NTAQ1: variants seen among roughly 807,000 people sequenced by gnomAD.
The protein encoded by NTAQ1 is protein N-terminal glutamine amidohydrolase.
In NTAQ1, 21 loss-of-function variants were observed where a neutral mutation model predicts 28.2. That is an observed-to-expected ratio of 0.74 (90% CI 0.53 to 1.07). The LOEUF (loss-of-function observed/expected upper bound fraction) is 1.07. Ranked by LOEUF, NTAQ1 falls within the 50% of genes least tolerant of loss-of-function variation. The pLI is 0.00. For synonymous variants in NTAQ1, 105 were observed against 90.0 expected, an observed-to-expected ratio of 1.17 and a Z score of -0.94; for missense variants, 264 against 256.6, an observed-to-expected ratio of 1.03 and a Z score of -0.20.
intron 1 of NTAQ1, among the ~76,000 whole-genome samples, chr8:123,422,606 G>GT (rs112284256): frequency 0.041 from 5,526 of 134,328 alleles, 138 homozygotes; most frequent in Middle Eastern, 0.068. Context: ...TCCATTGATA[G>GT]TTTTTTTTTT....
downstream of NTAQ1, among the ~76,000 whole-genome samples, chr8:123,443,716 A>G (rs2130346247): frequency 6.6e-6 from 1 of 152,288 alleles, no homozygotes; most frequent in South Asian, 2.1e-4. Flanking sequence ...CTGGGACTAC[A>G]GGCGTGCCAC....
intron 1 of NTAQ1, among the ~76,000 whole-genome samples, chr8:123,417,490 G>A (rs1813371270): frequency 6.6e-6 from 1 of 152,044 alleles, no homozygotes; most frequent in African/African-American, 2.4e-5. Context: ...ATTTGCGCAG[G>A]GCCACGTAGC....
At chr8:123,425,277 A>C (rs1813978279) in intron 1 of NTAQ1, among the ~76,000 whole-genome samples, 1 of 151,888 alleles carries the variant, frequency 6.6e-6, no homozygotes, top group South Asian at 2.1e-4. Context: ...TTTTTAGTAG[A>C]GACAGAGTTT....
intron 1 of NTAQ1, among the ~76,000 whole-genome samples, chr8:123,424,285 T>G (rs1813906038): frequency 6.6e-6 from 1 of 151,304 alleles, no homozygotes; most frequent in African/African-American, 2.4e-5. Flanking sequence ...CACTGTTGCC[T>G]GGGCTGGAGT....
exon 7 of NTAQ1, among the ~76,000 whole-genome samples, chr8:123,469,797 G>A (rs1816023970): frequency 6.6e-6 from 1 of 152,204 alleles, no homozygotes; most frequent in African/African-American, 2.4e-5. Context: ...ATATAGGTGT[G>A]TATAAGAGGC....
At chr8:123,461,857 T>G (rs1815832673) in intron 6 of NTAQ1, among the ~76,000 whole-genome samples, 1 of 151,996 alleles carries the variant, frequency 6.6e-6, no homozygotes, top group East Asian at 1.9e-4. Flanking sequence ...CTTCTTGACA[T>G]GGGGCACAAG....
chr8:123,434,211 T>A (rs973900220), intron 3 of NTAQ1, among the ~76,000 whole-genome samples: 57 of 152,240 alleles, frequency 3.7e-4, no homozygotes, highest in African/African-American at 1.3e-3. Context: ...TGCAGCAGTT[T>A]ACCTGGTTCC....
At chr8:123,472,988 GA>G (rs1456121620), downstream of NTAQ1, among the ~76,000 whole-genome samples, 1 of 152,132 alleles carries the variant, frequency 6.6e-6, no homozygotes, top group Non-Finnish European at 1.5e-5. Context: ...TTTGAATGGA[GA>G]AAAATGCCCA....
intron 6 of NTAQ1, among the ~76,000 whole-genome samples, chr8:123,466,047 G>C (rs1586973619): frequency 6.6e-6 from 1 of 152,182 alleles, no homozygotes; most frequent in East Asian, 1.9e-4. Flanking sequence ...AGGGTGAGAG[G>C]AAGCCAAAGA....
At position 123,441,477 on chromosome 8, in the gene NTAQ1, T is replaced by C. The variant is rs1272158545; in HGVS notation, c.*62T>C. The C allele has an allele frequency of 1.3e-5, 17 of 1,301,166 alleles. No homozygotes were observed. The highest frequency in any genetic ancestry group is 1.5e-5 in the Non-Finnish European group (14 of 909,692). The allele number at this position is 1,301,166 out of a possible 1,614,324, so 80.6% of individuals were successfully genotyped here. ...AGGACATGAACAAGCTATCCTTTCATCGAGGACAGCAAACATTATGGTACA... is the reference window on the plus strand; with the variant it reads ...AGGACATGAACAAGCTATCCTTTCACCGAGGACAGCAAACATTATGGTACA... On this transcript the variant is annotated 3_prime_UTR_variant, in exon 6 of 6. Transcript: ENST00000287387.
At chr8:123,438,134 G>C in intron 5 of NTAQ1, 1 of 700,974 alleles carries the variant, frequency 1.4e-6, no homozygotes, top group East Asian at 2.7e-5. Flanking sequence ...GTGCTTTTAG[G>C]CATCAATCCA....
chr8:123,443,685 C>T (rs1176613802), downstream of NTAQ1, among the ~76,000 whole-genome samples: 1 of 152,198 alleles, frequency 6.6e-6, no homozygotes, highest in Non-Finnish European at 1.5e-5. Context: ...AGCGATCCTC[C>T]CACCTCAGCC....
At chr8:123,467,302 C>T (rs1370870047) in exon 7 of NTAQ1, 2 of 152,102 alleles carry the variant, frequency 1.3e-5, no homozygotes, top group Non-Finnish European at 2.9e-5. Context: ...TCCTAAACTG[C>T]TGGGATTACA....
At chr8:123,422,389 C>G (rs1287972290) in intron 1 of NTAQ1, among the ~76,000 whole-genome samples, 1 of 151,682 alleles carries the variant, frequency 6.6e-6, no homozygotes, top group East Asian at 1.9e-4. Flanking sequence ...AATCCTCTCA[C>G]GTCAGCCTCC....
downstream of NTAQ1, among the ~76,000 whole-genome samples, chr8:123,453,067 A>G (rs965300525): frequency 6.6e-6 from 1 of 152,172 alleles, no homozygotes; most frequent in Non-Finnish European, 1.5e-5. Context: ...TTGTGGGGCA[A>G]GATGTTAATA....
chr8:123,473,638 G>A (rs1816063728), downstream of NTAQ1, among the ~76,000 whole-genome samples: 1 of 152,154 alleles, frequency 6.6e-6, no homozygotes. Context: ...AGTCTTAGAC[G>A]ATGAGCAAGA....
downstream of NTAQ1, among the ~76,000 whole-genome samples, chr8:123,450,070 G>T (rs964537256): frequency 2.0e-5 from 3 of 147,488 alleles, no homozygotes; most frequent in African/African-American, 7.5e-5. Context: ...AAAGATACAG[G>T]CCTCTATGAT....
At chr8:123,419,754 C>T (rs62523176) in intron 1 of NTAQ1, among the ~76,000 whole-genome samples, 9 of 83,712 alleles carry the variant, frequency 1.1e-4, no homozygotes, top group Non-Finnish European at 1.7e-4. Flanking sequence ...CTCCCTCCCT[C>T]CCTTCCTTCC....
At chr8:123,458,269 GA>G (rs1177792577) in intron 6 of NTAQ1, among the ~76,000 whole-genome samples, 6 of 147,866 alleles carry the variant, frequency 4.1e-5, no homozygotes, top group Non-Finnish European at 8.9e-5. Context: ...AACACAACTT[GA>G]AACAAGTATA....
Sources: gnomAD v4.1 joint callset for allele counts (sites outside exome capture counted in the v4.1 genomes callset) on GRCh38, gnomAD v4.1.1 for gene constraint, MANE v1.5 for transcripts, NCBI Gene and HGNC (gene_info 2026-07-23, HGNC 2026-07-21) for gene names.